PLEKHA7: variants seen among roughly 807,000 people sequenced by gnomAD.
The protein encoded by PLEKHA7 is pleckstrin homology domain containing A7.
In PLEKHA7, 104 loss-of-function variants were observed where a neutral mutation model predicts 170.0. The ratio of observed to expected loss-of-function variants is 0.61; its 90% CI spans 0.52 to 0.72. The LOEUF (loss-of-function observed/expected upper bound fraction) is 0.72. Among genes scored for constraint, PLEKHA7 ranks in the 30% least tolerant of loss-of-function variants. The probability of loss-of-function intolerance (pLI) is 0.00; values close to 1 mark genes in which losing one functional copy is unlikely to be tolerated. For synonymous variants in PLEKHA7, 648 were observed against 660.8 expected (o/e 0.98, Z 0.30); for missense variants, 1,615 against 1,671.7 (o/e 0.97, Z 0.59).
chr11:16,847,183 G>A (rs1448268785), intron 8 of PLEKHA7, among the ~76,000 whole-genome samples: 2 of 136,240 alleles, frequency 1.5e-5, no homozygotes, highest in African/African-American at 2.8e-5. Flanking sequence ...TGCAAGCTCC[G>A]TCTCCCCGGT....
Position 16,841,674 on chromosome 11 carries a change from C to A in PLEKHA7, c.745G>T (p.Gly249Cys), listed in dbSNP as rs772946578. The A allele has an allele frequency of 6.2e-7, 1 of 1,614,166 alleles. No homozygotes were observed. Among genetic ancestry groups the A allele is most frequent in the East Asian group, 2.2e-5 (1 of 44,880 alleles). Residue 249 changes from glycine to cysteine, a missense_variant, in exon 9 of 27, where the codon GGC becomes TGC. By Grantham distance (159) the Gly-to-Cys change is radical. Transcript: ENST00000531066. ...RALIYNSSTA[G>C]SQAEQSGMRT... Reference sequence around the variant, plus strand: ...ATGCCTGACTGCTCGGCCTGAGAGCCCGCTGTGGAGCTGTTATAGATGAGC... The same window carrying A: ...ATGCCTGACTGCTCGGCCTGAGAGCACGCTGTGGAGCTGTTATAGATGAGC...
chr11:16,989,439 A>G (rs892148579), intron 3 of PLEKHA7, among the ~76,000 whole-genome samples: 15 of 152,238 alleles, frequency 9.9e-5, no homozygotes, highest in African/African-American at 3.6e-4. Context: ...GCTAAGGTAT[A>G]TAACTACTTA....
chr11:16,995,221 G>C (rs1285360456), intron 3 of PLEKHA7, among the ~76,000 whole-genome samples: 1 of 152,162 alleles, frequency 6.6e-6, no homozygotes, highest in Non-Finnish European at 1.5e-5. Flanking sequence ...GATTCAAGCC[G>C]AGGCAACCAC....
At chr11:16,865,532 T>C (rs1187710035) in intron 4 of PLEKHA7, among the ~76,000 whole-genome samples, 1 of 152,114 alleles carries the variant, frequency 6.6e-6, no homozygotes, top group Non-Finnish European at 1.5e-5. Context: ...AAGACCAGCC[T>C]GGGCAACACA....
At chr11:16,992,842 G>GCC in intron 3 of PLEKHA7, among the ~76,000 whole-genome samples, 1 of 151,900 alleles carries the variant, frequency 6.6e-6, no homozygotes, top group Admixed American at 6.6e-5. Context: ...GGGCCTCTGT[G>GCC]TCCTCATCTA....
In PLEKHA7 at chr11:16,803,307, A is replaced by C. The variant is rs1480472345; in HGVS notation, c.2008-12T>G. On this transcript the variant is annotated splice_polypyrimidine_tract_variant and intron_variant, in intron 13 of 26. Transcript: ENST00000531066. ...TCCCGGCCTGTCATCTGGGAGGCGAACAATTTAAAAGAGATTTAACCATGG... is the reference window on the plus strand; with the variant it reads ...TCCCGGCCTGTCATCTGGGAGGCGACCAATTTAAAAGAGATTTAACCATGG... 2 of 1,608,322 alleles carry C rather than the reference A, an allele frequency of 1.2e-6. No homozygotes were observed. The highest frequency in any genetic ancestry group is 4.5e-5 in the East Asian group (2 of 44,844).
intron 3 of PLEKHA7, among the ~76,000 whole-genome samples, chr11:16,917,484 G>A (rs1389940948): frequency 6.6e-6 from 1 of 152,058 alleles, no homozygotes; most frequent in Non-Finnish European, 1.5e-5. Flanking sequence ...GTGCTCCTCA[G>A]GAGGCCCTAG....
intron 21 of PLEKHA7, 174 bp from the exon 22 acceptor site, chr11:16,790,052 G>A (rs537104919): frequency 6.4e-5 from 41 of 638,598 alleles, no homozygotes; most frequent in African/African-American, 6.0e-4. Flanking sequence ...AGAGGATGGG[G>A]GCCAGCCCAG....
At chr11:16,865,480 T>C (rs573420505) in intron 4 of PLEKHA7, among the ~76,000 whole-genome samples, 3 of 152,184 alleles carry the variant, frequency 2.0e-5, no homozygotes, top group African/African-American at 7.2e-5. Context: ...TCCCAGCGCT[T>C]TGGGAGGCTG....
At position 16,911,343 on chromosome 11, in the gene PLEKHA7, A is replaced by C. The variant is rs557475190; in HGVS notation, c.222-40161T>G. Among the ~76,000 whole-genome samples the C allele has an allele frequency of 1.9e-4, 29 of 152,242 alleles. No individual in the cohort carries two copies. In the South Asian group the frequency reaches 5.6e-3, roughly 29 times the overall value. On this transcript the variant is annotated intron_variant, in intron 3 of 26. Coordinates refer to ENST00000531066, the MANE Select transcript of PLEKHA7 (RefSeq NM_001329630.2). ...GCAGGCCAGCCATGAGACAGAAGCT[A>C]AGGGGCAGCTGCAACCACAAAAACA...
At chr11:16,800,394 A>T (rs1848514736) in intron 17 of PLEKHA7, among the ~76,000 whole-genome samples, 1 of 152,152 alleles carries the variant, frequency 6.6e-6, no homozygotes, top group Non-Finnish European at 1.5e-5. Flanking sequence ...TGATTTTTTA[A>T]GGGTGAAGTG....
At chr11:16,821,874 G>A (rs1339994911) in intron 10 of PLEKHA7, among the ~76,000 whole-genome samples, 1 of 152,088 alleles carries the variant, frequency 6.6e-6, no homozygotes, top group Admixed American at 6.5e-5. Context: ...CTAGCCCATT[G>A]AGATCTGCTT....
Position 17,013,902 on chromosome 11 carries a change from C to T in PLEKHA7, c.221+87G>A, listed in dbSNP as rs560609345. 4 of 1,400,980 alleles carry T rather than the reference C, an allele frequency of 2.9e-6. No individual in the cohort carries two copies. In the African/African-American group the frequency reaches 6.1e-5, roughly 21 times the overall value. 86.8% of individuals were successfully genotyped at this position (1,400,980 alleles called of 1,614,324 possible). ...GCCAACGAGCCCGGGCCGGCGGGAG[C>T]AGAGGAAGGGCGGGGCGCCCGGCGG... On this transcript the variant is annotated intron_variant, in intron 3 of 26. Transcript: ENST00000531066.
intron 3 of PLEKHA7, among the ~76,000 whole-genome samples, chr11:16,879,284 C>A (rs1220066096): frequency 1.3e-5 from 2 of 152,194 alleles, no homozygotes; most frequent in Non-Finnish European, 2.9e-5. Flanking sequence ...CCTTACTTAT[C>A]TCCTACAGCA....
At position 16,981,211 on chromosome 11, in the gene PLEKHA7, T is replaced by TGGA. The variant is rs1863407671; in HGVS notation, c.221+32775_221+32777dup. Among the ~76,000 whole-genome samples, 3 of 152,318 alleles carry TGGA rather than the reference T, an allele frequency of 2.0e-5. No homozygotes were observed. In the South Asian group the frequency reaches 6.2e-4, roughly 32 times the overall value. ...AGATTAAAATGACAAAATATAGTGA[T>TGGA]GGAGGCTCTTATCAGGTGTTTACTA... On this transcript the variant is annotated intron_variant, in intron 3 of 26. Coordinates refer to ENST00000531066, the MANE Select transcript of PLEKHA7 (RefSeq NM_001329630.2).
At chr11:16,917,146 G>C (rs1367681905) in intron 3 of PLEKHA7, among the ~76,000 whole-genome samples, 2 of 152,112 alleles carry the variant, frequency 1.3e-5, no homozygotes, top group Non-Finnish European at 2.9e-5. Flanking sequence ...TTGAATCCAG[G>C]AGGTGGAATT....
At chr11:16,807,828 A>T (rs140875678) in intron 13 of PLEKHA7, among the ~76,000 whole-genome samples, 295 of 152,290 alleles carry the variant, frequency 1.9e-3, no homozygotes, top group Admixed American at 3.8e-3. Flanking sequence ...AAAAGTACCG[A>T]TGCCTGAGTT....
intron 3 of PLEKHA7, among the ~76,000 whole-genome samples, chr11:16,901,258 C>G (rs1857316448): frequency 1.3e-5 from 2 of 152,042 alleles, no homozygotes; most frequent in Non-Finnish European, 2.9e-5. Context: ...AAAAAGCTGT[C>G]TAGGAAAGCA....
intron 3 of PLEKHA7, among the ~76,000 whole-genome samples, chr11:16,948,312 G>C (rs1052153706): frequency 2.6e-5 from 4 of 152,152 alleles, no homozygotes; most frequent in Non-Finnish European, 5.9e-5. Flanking sequence ...ATTGCTGATA[G>C]ATTTTAAGTG....
Sources: allele counts gnomAD v4.1 joint callset (sites outside exome capture counted in the v4.1 genomes callset), GRCh38; gene constraint gnomAD v4.1.1; transcripts MANE v1.5; gene names NCBI Gene and HGNC (gene_info 2026-07-23, HGNC 2026-07-21).